The following AFAP1 variants were observed in gnomAD, a reference collection of about 807,000 sequenced individuals.
AFAP1 encodes actin filament-associated protein 1.
AFAP1 carries 75 observed loss-of-function variants against 93.9 expected under a neutral mutation model. That is an observed-to-expected ratio of 0.80 (90% CI 0.66 to 0.97). AFAP1 has a LOEUF of 0.97. Among genes scored for constraint, AFAP1 ranks in the 50% least tolerant of loss-of-function variants. The probability of loss-of-function intolerance (pLI) is 0.00; values close to 1 mark genes in which losing one functional copy is unlikely to be tolerated. For missense variants in AFAP1, 1,201 were observed against 1,050.8 expected, an observed-to-expected ratio of 1.14 and a Z score of -1.98; for synonymous variants, 517 against 430.7, an observed-to-expected ratio of 1.20 and a Z score of -2.48.
intron 1 of AFAP1, among the ~76,000 whole-genome samples, chr4:7,917,676 C>A (rs1720160154): frequency 6.6e-6 from 1 of 152,226 alleles, no homozygotes; most frequent in African/African-American, 2.4e-5. Context: ...AACACCAGCT[C>A]TCTCTTCTCT....
chr4:7,898,112 G>A (rs1444263572), intron 1 of AFAP1, among the ~76,000 whole-genome samples: 4 of 152,118 alleles, frequency 2.6e-5, no homozygotes, highest in African/African-American at 7.2e-5. Context: ...CTGGGTTACT[G>A]GAAAAGCCTC....
intron 6 of AFAP1, among the ~76,000 whole-genome samples, chr4:7,830,178 G>C (rs1419058962): frequency 6.6e-6 from 1 of 152,128 alleles, no homozygotes; most frequent in East Asian, 1.9e-4. Context: ...GATGAAATCT[G>C]CATTGCTATT....
At position 7,871,993 on chromosome 4, in the gene AFAP1, G is replaced by A. The variant is rs1183352921; in HGVS notation, c.86C>T (p.Ala29Val). ...YLTSTVREKK[A>V]VITNILLRIQ... is the part of the protein sequence containing the mutation. ...TCTTAGCAGAATGTTGGTTATCACT[G>A]CCTTTTTCTCCCTGACAGTTGAGGT... Residue 29 changes from alanine to valine, a missense_variant, in exon 2 of 18, where the codon GCA (alanine) becomes GTA (valine). Physicochemically the swap from Ala to Val is moderately conservative, Grantham distance 64 (BLOSUM62 0). Transcript: ENST00000420658. 6.2e-7 allele frequency: 1 copy of A among 1,614,144 alleles called. No homozygotes were observed. The highest frequency in any genetic ancestry group is 8.5e-7 in the Non-Finnish European group (1 of 1,180,016).
At chr4:7,902,821 T>TG (rs1719191711) in intron 1 of AFAP1, among the ~76,000 whole-genome samples, 3 of 152,124 alleles carry the variant, frequency 2.0e-5, no homozygotes, top group Admixed American at 6.5e-5. Context: ...CCTGGAGCGC[T>TG]CCTGGGCCTC....
intron 1 of AFAP1, 121 bp from the exon 2 acceptor site, chr4:7,872,201 C>T: frequency 7.8e-7 from 1 of 1,281,476 alleles, no homozygotes; most frequent in Non-Finnish European, 1.0e-6. Context: ...AGTATTCTGA[C>T]CTAAAAAACA....
chr4:7,815,917 G>A, intron 8 of AFAP1, 101 bp downstream of exon 8: 1 of 1,041,868 alleles, frequency 9.6e-7, no homozygotes, highest in East Asian at 2.4e-5. Flanking sequence ...GAATCACCCA[G>A]GACATTTTTC....
At chr4:7,925,853 A>AAAGAAAG (rs58692629) in intron 1 of AFAP1, among the ~76,000 whole-genome samples, 11,475 of 147,234 alleles carry the variant, frequency 0.078, 512 homozygotes, top group African/African-American at 0.093. Context: ...CTCAAAAAAA[A>AAAGAAAG]AAAGAAAGAA....
chr4:7,881,777 T>C (rs573810328), intron 1 of AFAP1, among the ~76,000 whole-genome samples: 1 of 129,906 alleles, frequency 7.7e-6, no homozygotes, highest in Non-Finnish European at 1.8e-5. Context: ...TGAGACTCCA[T>C]CTCAAAAAAA....
At chr4:7,882,963 T>C (rs1035958809) in intron 1 of AFAP1, among the ~76,000 whole-genome samples, 9 of 152,070 alleles carry the variant, frequency 5.9e-5, no homozygotes, top group African/African-American at 2.2e-4. Context: ...GTCAGGCAGA[T>C]TGCTTGAGCC....
intron 5 of AFAP1, 103 bp from the exon 6 acceptor site, chr4:7,838,806 G>A: frequency 7.7e-7 from 1 of 1,298,118 alleles, no homozygotes; most frequent in South Asian, 1.4e-5. Context: ...CAAGGCATCT[G>A]AAAGTCTGAA....
Position 7,824,477 on chromosome 4 carries a change from G to A in AFAP1, c.727-5306C>T, listed in dbSNP as rs60072588. Reference sequence around the variant, plus strand: ...CAGTTAATTCTGTCAAGAACCACTAGTAATGGAAATTGGAGACAGAGAGCA... The same window carrying A: ...CAGTTAATTCTGTCAAGAACCACTAATAATGGAAATTGGAGACAGAGAGCA... On this transcript the variant is annotated intron_variant, in intron 6 of 17. Coordinates refer to ENST00000420658, the MANE Select transcript of AFAP1 (RefSeq NM_001134647.2). 8.6e-4 allele frequency among the ~76,000 whole-genome samples: 131 copies of A among 152,110 alleles called. 2 individuals are homozygous for A. Among genetic ancestry groups the A allele is most frequent in the African/African-American group, 2.9e-3 (120 of 41,466 alleles).
rs114347540 is a variant in AFAP1, at chr4:7,860,221, C to G, written c.226-4647G>C. On this transcript the variant is annotated intron_variant, in intron 3 of 17. Transcript: ENST00000420658. ...TGTTATTACTACAGGTTGAGGATCT[C>G]TTCTGCAAAATGCTTGGGACCAGAA... Among the ~76,000 whole-genome samples, 655 of 152,228 alleles carry G rather than the reference C, an allele frequency of 4.3e-3. 10 individuals carry two copies. The highest frequency in any genetic ancestry group is 0.015 in the African/African-American group (622 of 41,530).
intron 12 of AFAP1, among the ~76,000 whole-genome samples, chr4:7,782,320 C>A (rs945139298): frequency 6.6e-6 from 1 of 152,250 alleles, no homozygotes; most frequent in African/African-American, 2.4e-5. Context: ...CTCCTCCAAG[C>A]CCCTGTGCAG....
intron 12 of AFAP1, among the ~76,000 whole-genome samples, chr4:7,785,075 A>C (rs867425926): frequency 6.6e-6 from 1 of 152,182 alleles, no homozygotes; most frequent in Non-Finnish European, 1.5e-5. Context: ...GACAAATGGC[A>C]TACTGGTTTC....
intron 10 of AFAP1, among the ~76,000 whole-genome samples, chr4:7,797,009 G>A (rs968194821): frequency 3.3e-5 from 5 of 151,750 alleles, no homozygotes; most frequent in Admixed American, 1.3e-4. Context: ...ACAGTAAGCC[G>A]AGATTGCGCC....
chr4:7,847,700 G>T (rs1176480838), intron 4 of AFAP1, among the ~76,000 whole-genome samples: 1 of 149,458 alleles, frequency 6.7e-6, no homozygotes, highest in Non-Finnish European at 1.5e-5. Context: ...ATGGGGAGCA[G>T]GGAAAAGAAT....
chr4:7,825,205 C>G (rs1388092752), intron 6 of AFAP1, among the ~76,000 whole-genome samples: 2 of 152,036 alleles, frequency 1.3e-5, no homozygotes, highest in African/African-American at 4.8e-5. Context: ...GGTTTATTGC[C>G]CCAAAATATC....
At chr4:7,823,009 G>A (rs1470596164) in intron 6 of AFAP1, among the ~76,000 whole-genome samples, 1 of 151,872 alleles carries the variant, frequency 6.6e-6, no homozygotes, top group African/African-American at 2.4e-5. Context: ...TCTTCTGGAG[G>A]AGCTGTGCTT....
At chr4:7,886,917 C>T (rs555865683) in intron 1 of AFAP1, among the ~76,000 whole-genome samples, 1 of 152,308 alleles carries the variant, frequency 6.6e-6, no homozygotes, top group East Asian at 1.9e-4. Context: ...AGTTATTAAA[C>T]ACTATGTTCA....
Sources: gnomAD v4.1 joint callset for allele counts (sites outside exome capture counted in the v4.1 genomes callset) on GRCh38, gnomAD v4.1.1 for gene constraint, MANE v1.5 for transcripts, NCBI Gene and HGNC (gene_info 2026-07-23, HGNC 2026-07-21) for gene names.